TMPRSS11B: variants seen among roughly 807,000 people sequenced by gnomAD.
TMPRSS11B encodes the protein transmembrane protease serine 11B.
A neutral mutation model predicts 44.7 loss-of-function variants in TMPRSS11B; 53 were observed. The observed-to-expected ratio is 1.19, with a 90% CI of 0.95 to 1.49. TMPRSS11B has a LOEUF of 1.49. Ranked by LOEUF, TMPRSS11B falls within the 40% of genes most tolerant of loss-of-function variation. The pLI is 0.00. For synonymous variants in TMPRSS11B, 140 were observed against 159.2 expected (o/e 0.88, Z 0.91); for missense variants, 526 against 494.8 (o/e 1.06, Z -0.60).
chr4:68,232,582 A>G (rs1369858858), intron 5 of TMPRSS11B, among the ~76,000 whole-genome samples, 166 bp from the exon 6 acceptor site: 2 of 152,234 alleles, frequency 1.3e-5, no homozygotes, highest in Non-Finnish European at 2.9e-5. Flanking sequence ...TATTTGTTAC[A>G]TTATAACCAT....
intron 2 of TMPRSS11B, among the ~76,000 whole-genome samples, chr4:68,237,014 G>A (rs780689960): frequency 4.0e-5 from 6 of 151,384 alleles, no homozygotes; most frequent in Non-Finnish European, 7.4e-5. Context: ...AGGTATACAC[G>A]TGCCATAGTG....
chr4:68,237,080 C>T (rs1719692183), intron 2 of TMPRSS11B, among the ~76,000 whole-genome samples: 1 of 151,960 alleles, frequency 6.6e-6, no homozygotes, highest in Non-Finnish European at 1.5e-5. Context: ...TAATGCTATC[C>T]CTCCACTAGT....
intron 2 of TMPRSS11B, 42 bp downstream of exon 2, chr4:68,241,647 G>C (rs765817673): frequency 1.1e-5 from 14 of 1,241,498 alleles, no homozygotes; most frequent in Non-Finnish European, 1.6e-5. Flanking sequence ...AAAATTTAAA[G>C]ATTTATAGCA....
intron 6 of TMPRSS11B, chr4:68,232,092 C>T (rs1719530942): frequency 4.8e-6 from 1 of 207,656 alleles, no homozygotes; most frequent in East Asian, 1.1e-4. Context: ...TCATTTCCTT[C>T]AATCTTTCTC....
chr4:68,244,417 G>A (rs1367376536), intron 1 of TMPRSS11B, among the ~76,000 whole-genome samples: 1 of 152,190 alleles, frequency 6.6e-6, no homozygotes, highest in Admixed American at 6.5e-5. Context: ...TTGAGGTCAG[G>A]TGTTTGAGAC....
intron 1 of TMPRSS11B, among the ~76,000 whole-genome samples, chr4:68,244,957 T>C (rs1719959606): frequency 6.6e-6 from 1 of 152,168 alleles, no homozygotes; most frequent in Non-Finnish European, 1.5e-5. Context: ...AGGGTGAGAA[T>C]TGTGCATAAG....
chr4:68,241,848 C>A (rs754179115), intron 1 of TMPRSS11B, 44 bp from the exon 2 acceptor site: 257 of 1,066,922 alleles, frequency 2.4e-4, no homozygotes, highest in Non-Finnish European at 3.1e-4. Flanking sequence ...TAATAACAAT[C>A]AAAATCTACC....
intron 2 of TMPRSS11B, among the ~76,000 whole-genome samples, chr4:68,240,017 A>T (rs1719781364): frequency 2.0e-5 from 3 of 152,232 alleles, no homozygotes; most frequent in Admixed American, 2.0e-4. Flanking sequence ...TTTCTAGAAT[A>T]ATGATCTTTG....
intron 2 of TMPRSS11B, among the ~76,000 whole-genome samples, chr4:68,239,229 AAGAG>A (rs1719754304): frequency 6.6e-6 from 1 of 152,154 alleles, no homozygotes; most frequent in South Asian, 2.1e-4. Flanking sequence ...TTATAAGAGA[AAGAG>A]AGACCAGATC....
At chr4:68,234,394 T>TA in intron 5 of TMPRSS11B, 69 bp downstream of exon 5, 1 of 1,516,750 alleles carries the variant, frequency 6.6e-7, no homozygotes, top group Non-Finnish European at 8.9e-7. Context: ...GTTCACTTTT[T>TA]AGTACTTTTT....
At chr4:68,235,085 A>G (rs1037945271) in intron 4 of TMPRSS11B, among the ~76,000 whole-genome samples, 3 of 152,188 alleles carry the variant, frequency 2.0e-5, no homozygotes, top group African/African-American at 7.2e-5. Context: ...GTTTTTTTAT[A>G]CATAACCAGT....
At position 68,228,042 on chromosome 4, in the gene TMPRSS11B, C is replaced by G. The variant is rs907360803; in HGVS notation, c.1120G>C (p.Asp374His). ...ACAAGATGCCAGATATTTCTGGAATCAGGGTAAGCTAGTGGTCCACCAGAA... is the reference window on the plus strand; with the variant it reads ...ACAAGATGCCAGATATTTCTGGAATGAGGGTAAGCTAGTGGTCCACCAGAA... ...NDSGGPLAYP[D>H]SRNIWHLVGI... Residue 374 changes from aspartate to histidine, a missense_variant, in exon 10 of 10, where the codon GAT (aspartate) becomes CAT (histidine). Physicochemically the swap from Asp to His is moderately conservative, Grantham distance 81. Transcript: ENST00000332644. 5 of 1,612,814 alleles carry G rather than the reference C, an allele frequency of 3.1e-6. No individual in the cohort carries two copies. In the Admixed American group the frequency reaches 6.7e-5, roughly 22 times the overall value.
intron 8 of TMPRSS11B, 116 bp downstream of exon 8, chr4:68,229,140 CT>C (rs761400020): frequency 9.5e-6 from 11 of 1,156,452 alleles, no homozygotes; most frequent in Non-Finnish European, 1.1e-5. Context: ...ACTTGGTTTT[CT>C]TTTCAGTATA....
In TMPRSS11B at chr4:68,234,523, G is replaced by A. The variant is rs1201650972; in HGVS notation, c.409C>T (p.Gln137Ter). 6.2e-7 allele frequency: 1 copy of A among 1,613,864 alleles called. No homozygotes were observed. The highest frequency in any genetic ancestry group is 1.3e-5 in the African/African-American group (1 of 74,918). The change falls in exon 5 of 10, where the codon CAG becomes TAG. Residue 137 changes from glutamine (Q) to a stop codon, truncating the protein, a stop_gained. Coordinates refer to ENST00000332644, the MANE Select transcript of TMPRSS11B (RefSeq NM_182502.3). LOFTEE classifies it high-confidence loss of function. ...GATGCCATGTTGTTTTTCAACATCT[G>A]ATGTAATTTAGCCTTGATTTTAGTC... is the stretch of plus-strand genomic sequence containing the variant. ...MRTKIKAKLH[Q>*]MLKNNMASWN...
At chr4:68,237,839 G>C (rs777490727) in intron 2 of TMPRSS11B, among the ~76,000 whole-genome samples, 1 of 152,002 alleles carries the variant, frequency 6.6e-6, no homozygotes, top group African/African-American at 2.4e-5. Flanking sequence ...AGCATAGTGA[G>C]AGCCTGTCTC....
chr4:68,242,633 A>C (rs562272947), intron 1 of TMPRSS11B, among the ~76,000 whole-genome samples: 2 of 150,322 alleles, frequency 1.3e-5, no homozygotes, highest in South Asian at 2.1e-4. Context: ...GCAGTAGTAC[A>C]ATCTCAGCTC....
At chr4:68,229,631 C>T in intron 7 of TMPRSS11B, 115 bp from the exon 8 acceptor site, 1 of 922,234 alleles carries the variant, frequency 1.1e-6, no homozygotes. Flanking sequence ...CTATAAACCA[C>T]TGAAATTCTA....
intron 4 of TMPRSS11B, 81 bp downstream of exon 4, chr4:68,235,921 T>C (rs767397414): frequency 8.6e-6 from 6 of 701,112 alleles, no homozygotes; most frequent in Non-Finnish European, 1.3e-5. Flanking sequence ...TGTTTTTTGT[T>C]GTTATTGTTA....
Position 68,236,284 on chromosome 4 carries a change from A to G in TMPRSS11B, c.125-18T>C, listed in dbSNP as rs1719664621. Reference sequence around the variant, plus strand: ...AGTCTTCTCTGCAAAATTAAGAAAAAAAAACCTCAAAGAATTTTAAAGTGG... The same window carrying G: ...AGTCTTCTCTGCAAAATTAAGAAAAGAAAACCTCAAAGAATTTTAAAGTGG... On this transcript the variant is annotated intron_variant, in intron 2 of 9. Coordinates refer to ENST00000332644, the MANE Select transcript of TMPRSS11B (RefSeq NM_182502.3). The G allele has an allele frequency of 6.7e-7, 1 of 1,497,150 alleles. No individual in the cohort carries two copies. The highest frequency in any genetic ancestry group is 9.2e-7 in the Non-Finnish European group (1 of 1,092,360). The allele number at this position is 1,497,150 out of a possible 1,614,324, so 92.7% of individuals were successfully genotyped here. A position where few individuals can be genotyped will look rare whatever the true frequency, so the allele number is the denominator to read the frequency against.
Sources: gnomAD v4.1 joint callset for allele counts (sites outside exome capture counted in the v4.1 genomes callset) on GRCh38, gnomAD v4.1.1 for gene constraint, MANE v1.5 for transcripts, NCBI Gene and HGNC (gene_info 2026-07-23, HGNC 2026-07-21) for gene names.